ATP2B1: variants seen among roughly 807,000 people sequenced by gnomAD.
ATP2B1 encodes the protein plasma membrane calcium-transporting ATPase 1.
In ATP2B1, 14 loss-of-function variants were observed where a neutral mutation model predicts 124.2. The observed-to-expected ratio is 0.11, with a 90% CI of 0.07 to 0.18. The LOEUF (loss-of-function observed/expected upper bound fraction) is 0.18, where lower values mean the gene tolerates loss of function less well. Among genes scored for constraint, ATP2B1 ranks in the 10% least tolerant of loss-of-function variants. The pLI, the probability that ATP2B1 is intolerant of heterozygous loss-of-function variation, is 1.00. For synonymous variants in ATP2B1, 449 were observed against 492.4 expected (o/e 0.91, Z 1.17); for missense variants, 763 against 1,466.1 (o/e 0.52, Z 7.83).
chr12:89,704,178 A>C (rs1892179647), intron 1 of ATP2B1, among the ~76,000 whole-genome samples: 1 of 152,220 alleles, frequency 6.6e-6, no homozygotes, highest in Non-Finnish European at 1.5e-5. Context: ...TTACAGCAGA[A>C]ATTTAAAGAA....
chr12:89,604,870 T>C (rs1288800458), intron 15 of ATP2B1, among the ~76,000 whole-genome samples: 1 of 141,152 alleles, frequency 7.1e-6, no homozygotes, highest in African/African-American at 2.6e-5. Context: ...CCCTGTCAGC[T>C]CCAGACTTGG....
At chr12:89,688,353 G>T (rs1485178249) in intron 1 of ATP2B1, among the ~76,000 whole-genome samples, 1 of 152,096 alleles carries the variant, frequency 6.6e-6, no homozygotes, top group South Asian at 2.1e-4. Flanking sequence ...AAAATATCTG[G>T]AGACTCACAT....
At position 89,677,038 on chromosome 12, in the gene ATP2B1, CA is replaced by C. The variant is rs552359542; in HGVS notation, c.-221-20932del. ...ACACCACCACCACCACCACCACCAC[CA>C]AACAAAGAAACAAACAAAAACAATC... On this transcript the variant is annotated intron_variant, in intron 1 of 20. Coordinates refer to ENST00000428670, the MANE Select transcript of ATP2B1 (RefSeq NM_001366521.1). Among the ~76,000 whole-genome samples the C allele has an allele frequency of 8.3e-3, 803 of 96,276 alleles. 1 individual carries two copies. Among genetic ancestry groups the C allele is most frequent in the Non-Finnish European group, 0.013 (547 of 43,542 alleles). The allele number at this position is 96,276 out of a possible 152,430, so 63.2% of individuals were successfully genotyped here.
Position 89,655,933 on chromosome 12 carries a change from A to T in ATP2B1, c.-47T>A. ...GGAAAATGTTTCCCAAAAGAATTTA[A>T]TTTTCACTTGATGTATTTCCAAGAT... is the stretch of plus-strand genomic sequence containing the variant. On this transcript the variant is annotated 5_prime_UTR_variant, in exon 2 of 21. Coordinates refer to ENST00000428670, the MANE Select transcript of ATP2B1 (RefSeq NM_001366521.1). 2 of 1,495,810 alleles carry T rather than the reference A, an allele frequency of 1.3e-6. No homozygotes were observed. The highest frequency in any genetic ancestry group is 1.3e-5 in the South Asian group (1 of 74,498). 92.7% of individuals were successfully genotyped at this position (1,495,810 alleles called of 1,614,324 possible). A position where few individuals can be genotyped will look rare whatever the true frequency, so the allele number is the denominator to read the frequency against.
intron 1 of ATP2B1, among the ~76,000 whole-genome samples, chr12:89,672,102 T>C (rs541619202): frequency 6.6e-6 from 1 of 152,208 alleles, no homozygotes; most frequent in Non-Finnish European, 1.5e-5. Context: ...TCTGCTGTGC[T>C]AGCACTTAAT....
Position 89,654,281 on chromosome 12 carries a change from T to C in ATP2B1, c.208+1398A>G, listed in dbSNP as rs568947979. ...TCAAATTACTGTCTATTCAAGTCCATGGGAACTGTTCCTGATACTCTTAGT... is the reference window on the plus strand; with the variant it reads ...TCAAATTACTGTCTATTCAAGTCCACGGGAACTGTTCCTGATACTCTTAGT... On this transcript the variant is annotated intron_variant, in intron 2 of 20. Transcript: ENST00000428670. Among the ~76,000 whole-genome samples, 8 of 152,350 alleles carry C rather than the reference T, an allele frequency of 5.3e-5. No homozygotes were observed. In the East Asian group the frequency reaches 1.5e-3, roughly 29 times the overall value.
intron 1 of ATP2B1, among the ~76,000 whole-genome samples, chr12:89,675,303 T>A (rs368004962): frequency 1.3e-5 from 2 of 152,214 alleles, no homozygotes; most frequent in African/African-American, 4.8e-5. Flanking sequence ...ATACTTTTCA[T>A]ACATAATGCG....
At chr12:89,598,757 G>A in intron 20 of ATP2B1, 1 of 1,613,702 alleles carries the variant, frequency 6.2e-7, no homozygotes. Flanking sequence ...CAAGGAATCA[G>A]AGATTGTGAC....
At chr12:89,658,599 GA>G (rs1462539158) in intron 1 of ATP2B1, among the ~76,000 whole-genome samples, 2 of 10,326 alleles carry the variant, frequency 1.9e-4, no homozygotes. Flanking sequence ...ATTCAAACAG[GA>G]GAGAGAGAGA....
chr12:89,634,025 G>A (rs185477041), intron 5 of ATP2B1, among the ~76,000 whole-genome samples: 15 of 152,164 alleles, frequency 9.9e-5, no homozygotes, highest in African/African-American at 2.4e-4. Flanking sequence ...TTTTGGAAGC[G>A]AACTTGTAAT....
intron 1 of ATP2B1, among the ~76,000 whole-genome samples, chr12:89,658,694 T>G (rs1886316095): frequency 6.8e-6 from 1 of 147,490 alleles, no homozygotes; most frequent in Admixed American, 6.9e-5. Flanking sequence ...ATTGAGCCCC[T>G]GGGTCAATCA....
intron 2 of ATP2B1, among the ~76,000 whole-genome samples, chr12:89,642,833 G>GA (rs144481654): frequency 0.14 from 20,582 of 151,946 alleles, 1,848 homozygotes; most frequent in Non-Finnish European, 0.2. Flanking sequence ...TTGAACTCCT[G>GA]ACCTAAGGTG....
intron 1 of ATP2B1, among the ~76,000 whole-genome samples, chr12:89,694,248 C>A (rs1890868027): frequency 6.6e-6 from 1 of 152,280 alleles, no homozygotes; most frequent in Admixed American, 6.5e-5. Context: ...ACTACATAAT[C>A]TGTCCTATTC....
At chr12:89,653,668 G>A (rs1279864279) in intron 2 of ATP2B1, among the ~76,000 whole-genome samples, 1 of 152,088 alleles carries the variant, frequency 6.6e-6, no homozygotes, top group African/African-American at 2.4e-5. Context: ...CTGTCAAAAG[G>A]GTACATAACT....
rs1435888586 is a variant in ATP2B1 at position 89,649,201 on chromosome 12, T to C, written c.208+6478A>G. Among the ~76,000 whole-genome samples the C allele has an allele frequency of 2.6e-5, 4 of 152,238 alleles. No individual in the cohort carries two copies. In the East Asian group the frequency reaches 7.7e-4, roughly 29 times the overall value. ...CTGTGGGAAGGGGGCCATTGTTTTCTAGATCCTAGAACAGTAGAGCCACTG... is the reference window on the plus strand; with the variant it reads ...CTGTGGGAAGGGGGCCATTGTTTTCCAGATCCTAGAACAGTAGAGCCACTG... On this transcript the variant is annotated intron_variant, in intron 2 of 20. Transcript: ENST00000428670.
intron 3 of ATP2B1, among the ~76,000 whole-genome samples, chr12:89,639,981 T>C (rs1185669116): frequency 6.6e-6 from 1 of 152,148 alleles, no homozygotes; most frequent in Non-Finnish European, 1.5e-5. Context: ...GCTAGACAGG[T>C]GGAAAACTGA....
At chr12:89,641,306 A>G (rs1371119747) in intron 3 of ATP2B1, among the ~76,000 whole-genome samples, 1 of 152,186 alleles carries the variant, frequency 6.6e-6, no homozygotes, top group African/African-American at 2.4e-5. Context: ...CTACCACGCT[A>G]TAATGTATTT....
intron 20 of ATP2B1, among the ~76,000 whole-genome samples, chr12:89,598,230 A>G (rs1875076249): frequency 6.6e-6 from 1 of 152,182 alleles, no homozygotes; most frequent in Non-Finnish European, 1.5e-5. Context: ...ATGAGTTTCA[A>G]ATCACATGCT....
At position 89,624,117 on chromosome 12, in the gene ATP2B1, T is replaced by G; in HGVS notation, c.1344+66A>C. The G allele has an allele frequency of 2.1e-6, 3 of 1,396,250 alleles. No homozygotes were observed. In the South Asian group the frequency reaches 3.9e-5, roughly 18 times the overall value. The allele number at this position is 1,396,250 out of a possible 1,614,324, so 86.5% of individuals were successfully genotyped here. ...CAGAAGCAGAAAAGGAGTAACTAGA[T>G]GGGCATTTTCTATACCAGCTAAGGC... On this transcript the variant is annotated intron_variant, in intron 9 of 20. Transcript: ENST00000428670.
Sources: allele counts gnomAD v4.1 joint callset (sites outside exome capture counted in the v4.1 genomes callset), GRCh38; gene constraint gnomAD v4.1.1; transcripts MANE v1.5; gene names NCBI Gene and HGNC (gene_info 2026-07-23, HGNC 2026-07-21).